SNTG1: variants seen among roughly 807,000 people sequenced by gnomAD.
The protein encoded by SNTG1 is gamma-1-syntrophin.
SNTG1 carries 39 observed loss-of-function variants against 74.7 expected under a neutral mutation model. The observed-to-expected ratio is 0.52, with a 90% CI of 0.40 to 0.68. The LOEUF (loss-of-function observed/expected upper bound fraction) is 0.68. Among genes scored for constraint, SNTG1 ranks in the 30% least tolerant of loss-of-function variants. The pLI, the probability that SNTG1 is intolerant of heterozygous loss-of-function variation, is 0.00. For missense variants in SNTG1, 685 were observed against 609.5 expected (o/e 1.12, Z -1.30); for synonymous variants, 254 against 217.1 (o/e 1.17, Z -1.49).
Position 50,013,210 on chromosome 8 carries a change from G to T in SNTG1, c.-103+100979G>T, listed in dbSNP as rs16914203. ...CTAGTGTTTAATCTTCATAGAAACA[G>T]TACTATTCTTTGAGTGACAGAGTGA... is the stretch of plus-strand genomic sequence containing the variant. On this transcript the variant is annotated intron_variant, in intron 1 of 18. Coordinates refer to ENST00000642720, the MANE Select transcript of SNTG1 (RefSeq NM_018967.5). Among the ~76,000 whole-genome samples the T allele has an allele frequency of 5.3e-3, 813 of 152,192 alleles. 11 individuals are homozygous for T. Among genetic ancestry groups the T allele is most frequent in the African/African-American group, 0.019 (770 of 41,518 alleles).
At chr8:50,030,233 G>A (rs1024825594) in intron 1 of SNTG1, among the ~76,000 whole-genome samples, 5 of 151,792 alleles carry the variant, frequency 3.3e-5, no homozygotes, top group African/African-American at 9.7e-5. Context: ...TTTGAGCTCC[G>A]TATATATTCT....
At chr8:50,776,869 T>A (rs1247043470) in intron 18 of SNTG1, among the ~76,000 whole-genome samples, 1 of 152,012 alleles carries the variant, frequency 6.6e-6, no homozygotes, top group Non-Finnish European at 1.5e-5. Context: ...GATTCAGGAT[T>A]GACAGTTCTT....
At chr8:49,970,817 T>A (rs1198781639) in intron 1 of SNTG1, among the ~76,000 whole-genome samples, 2 of 152,188 alleles carry the variant, frequency 1.3e-5, no homozygotes, top group African/African-American at 4.8e-5. Flanking sequence ...ATGCCAGATC[T>A]AAGCAAAGCT....
intron 12 of SNTG1, among the ~76,000 whole-genome samples, chr8:50,569,688 T>C (rs905214672): frequency 5.9e-5 from 9 of 152,180 alleles, no homozygotes; most frequent in Non-Finnish European, 8.8e-5. Context: ...TTAGAGGTTG[T>C]GGAGTGTGGT....
At chr8:50,568,343 C>A (rs1218335999) in intron 12 of SNTG1, among the ~76,000 whole-genome samples, 1 of 151,476 alleles carries the variant, frequency 6.6e-6, no homozygotes, top group Non-Finnish European at 1.5e-5. Context: ...AACTGATTGT[C>A]CTTTGGATAT....
intron 15 of SNTG1, among the ~76,000 whole-genome samples, chr8:50,671,354 AC>A (rs1227398967): frequency 1.3e-5 from 2 of 151,770 alleles, no homozygotes; most frequent in Admixed American, 6.6e-5. Flanking sequence ...CAAGAAAAAA[AC>A]AAACAACCCC....
At chr8:49,940,555 G>C (rs543422662) in intron 1 of SNTG1, among the ~76,000 whole-genome samples, 1 of 152,052 alleles carries the variant, frequency 6.6e-6, no homozygotes, top group East Asian at 1.9e-4. Flanking sequence ...ATAACATTTG[G>C]CTTCCTCTCA....
intron 2 of SNTG1, among the ~76,000 whole-genome samples, chr8:50,320,191 C>T (rs935354666): frequency 6.6e-6 from 1 of 152,032 alleles, no homozygotes; most frequent in Non-Finnish European, 1.5e-5. Flanking sequence ...TCTCATTCTT[C>T]GTTATTGGTC....
chr8:50,590,309 G>A (rs539497982), intron 12 of SNTG1, among the ~76,000 whole-genome samples: 2 of 152,166 alleles, frequency 1.3e-5, no homozygotes, highest in East Asian at 3.9e-4. Flanking sequence ...TTTTTATTAG[G>A]TTTTTAAAGT....
chr8:50,283,177 C>T (rs751497991), intron 2 of SNTG1, among the ~76,000 whole-genome samples: 11 of 152,264 alleles, frequency 7.2e-5, no homozygotes, highest in Admixed American at 1.3e-4. Context: ...TCATCCTCAT[C>T]AGTTATTTCA....
At chr8:50,764,531 A>G (rs1457536685) in intron 18 of SNTG1, among the ~76,000 whole-genome samples, 1 of 151,976 alleles carries the variant, frequency 6.6e-6, no homozygotes, top group Non-Finnish European at 1.5e-5. Context: ...CTATGAAGCA[A>G]TGCTTAACAT....
chr8:50,321,553 G>T (rs960038264), intron 2 of SNTG1, among the ~76,000 whole-genome samples: 2 of 148,096 alleles, frequency 1.4e-5, no homozygotes, highest in African/African-American at 4.9e-5. Flanking sequence ...TGATAAGTAA[G>T]GACTTACTTC....
intron 2 of SNTG1, among the ~76,000 whole-genome samples, chr8:50,247,207 C>T (rs1281458619): frequency 6.6e-6 from 1 of 152,156 alleles, no homozygotes; most frequent in African/African-American, 2.4e-5. Flanking sequence ...TCATCATGAA[C>T]ATTGTCTCAT....
chr8:50,774,784 G>T (rs1340341788), intron 18 of SNTG1, among the ~76,000 whole-genome samples: 1 of 151,584 alleles, frequency 6.6e-6, no homozygotes, highest in Non-Finnish European at 1.5e-5. Context: ...ATATAAAGAT[G>T]TAAAGTGTAT....
intron 1 of SNTG1, among the ~76,000 whole-genome samples, chr8:49,938,384 TA>T (rs1808280432): frequency 6.6e-6 from 1 of 152,132 alleles, no homozygotes; most frequent in South Asian, 2.1e-4. Context: ...CACTATTTTG[TA>T]GACAAAGGAG....
chr8:50,188,228 A>G (rs1054210899), intron 2 of SNTG1, among the ~76,000 whole-genome samples: 20 of 152,112 alleles, frequency 1.3e-4, no homozygotes, highest in African/African-American at 4.6e-4. Flanking sequence ...CTTGCCACCA[A>G]TATTCCAATC....
At chr8:50,111,330 G>A (rs984229651) in intron 1 of SNTG1, among the ~76,000 whole-genome samples, 16 of 152,116 alleles carry the variant, frequency 1.1e-4, no homozygotes, top group Admixed American at 3.3e-4. Flanking sequence ...GTTGAAGGAC[G>A]TCATAAGGTG....
intron 17 of SNTG1, among the ~76,000 whole-genome samples, chr8:50,722,479 A>G (rs1001847199): frequency 1.1e-4 from 16 of 152,228 alleles, no homozygotes; most frequent in African/African-American, 3.6e-4. Context: ...CCTGGCCCAC[A>G]TTGTATAATT....
chr8:50,691,404 G>GTTTAGTGCTTCCTTCAAGAGCTCT (rs2131447723), intron 15 of SNTG1, among the ~76,000 whole-genome samples: 1 of 152,264 alleles, frequency 6.6e-6, no homozygotes, highest in African/African-American at 2.4e-5. Flanking sequence ...TCCTTTCCTT[G>GTTTAGTGCTTCCTTCAAGAGCTCT]TTTAGTGCTT....
Sources: allele counts gnomAD v4.1 joint callset (sites outside exome capture counted in the v4.1 genomes callset), GRCh38; gene constraint gnomAD v4.1.1; transcripts MANE v1.5; gene names NCBI Gene and HGNC (gene_info 2026-07-23, HGNC 2026-07-21).